Variants in GAS2 observed in about 807,000 individuals in gnomAD.
GAS2 encodes the protein growth arrest specific 2.
GAS2 carries 20 observed loss-of-function variants against 37.5 expected under a neutral mutation model. That is an observed-to-expected ratio of 0.53 (90% CI 0.37 to 0.77). GAS2 has a LOEUF of 0.77. Ranked by LOEUF, GAS2 falls within the 30% of genes least tolerant of loss-of-function variation. The pLI, the probability that GAS2 is intolerant of heterozygous loss-of-function variation, is 0.00. For synonymous variants in GAS2, 144 were observed against 132.2 expected, an observed-to-expected ratio of 1.09 and a Z score of -0.61; for missense variants, 336 against 373.4, an observed-to-expected ratio of 0.90 and a Z score of 0.82.
At chr11:22,632,806 C>A (rs1170548676) in intron 1 of GAS2, among the ~76,000 whole-genome samples, 1 of 150,208 alleles carries the variant, frequency 6.7e-6, no homozygotes, top group Non-Finnish European at 1.5e-5. Flanking sequence ...ACCTTGTTTT[C>A]AAGTTCTGGA....
intron 1 of GAS2, among the ~76,000 whole-genome samples, chr11:22,645,692 T>C (rs1848682441): frequency 6.6e-6 from 1 of 151,984 alleles, no homozygotes; most frequent in Non-Finnish European, 1.5e-5. Context: ...AAATAAAGAA[T>C]GTCAAATTTT....
chr11:22,644,355 C>T (rs954157506), intron 1 of GAS2, among the ~76,000 whole-genome samples: 2 of 151,984 alleles, frequency 1.3e-5, no homozygotes, highest in African/African-American at 4.8e-5. Context: ...TGCAATATCA[C>T]AGAGGCATTT....
intron 3 of GAS2, among the ~76,000 whole-genome samples, chr11:22,699,428 A>G (rs1476150873): frequency 1.3e-5 from 2 of 152,222 alleles, no homozygotes; most frequent in Middle Eastern, 3.4e-3. Context: ...TGCCAAAAGA[A>G]TGTATTGGAA....
chr11:22,737,444 T>C (rs191133836), intron 4 of GAS2, among the ~76,000 whole-genome samples: 15 of 152,304 alleles, frequency 9.8e-5, no homozygotes, highest in Admixed American at 5.9e-4. Flanking sequence ...TGAGATTTCC[T>C]GAGGGTTTCC....
At chr11:22,651,598 C>G (rs1287292991) in intron 1 of GAS2, among the ~76,000 whole-genome samples, 3 of 151,876 alleles carry the variant, frequency 2.0e-5, no homozygotes, top group African/African-American at 7.3e-5. Context: ...TCCCATATTT[C>G]TTGGAGGCTG....
rs191907613 is a variant in GAS2, at chr11:22,646,734, A to T, written c.-21+20921A>T. Among the ~76,000 whole-genome samples the T allele has an allele frequency of 1.4e-3, 215 of 152,256 alleles. 2 individuals carry two copies. The highest frequency in any genetic ancestry group is 2.7e-3 in the Admixed American group (42 of 15,280). Reference sequence around the variant, plus strand: ...AACTTAATCCAGAAAGCAAAAACCTACTTCATACACCATCCACGGTAAATG... The same window carrying T: ...AACTTAATCCAGAAAGCAAAAACCTTCTTCATACACCATCCACGGTAAATG... On this transcript the variant is annotated intron_variant, in intron 1 of 5. Coordinates refer to the GAS2 transcript ENST00000528582.
intron 7 of GAS2, among the ~76,000 whole-genome samples, chr11:22,790,356 A>G (rs1251301857): frequency 6.6e-6 from 1 of 152,210 alleles, no homozygotes; most frequent in Non-Finnish European, 1.5e-5. Flanking sequence ...AACTTAAAGT[A>G]TAATAAAAAA....
intron 3 of GAS2, among the ~76,000 whole-genome samples, chr11:22,718,423 A>G (rs899880713): frequency 3.3e-5 from 5 of 152,002 alleles, no homozygotes; most frequent in Admixed American, 1.3e-4. Context: ...ATGGACAACC[A>G]AACATTGTGT....
At chr11:22,751,142 A>G (rs1361034679) in intron 6 of GAS2, among the ~76,000 whole-genome samples, 1 of 151,932 alleles carries the variant, frequency 6.6e-6, no homozygotes, top group Non-Finnish European at 1.5e-5. Context: ...TTCATATGTC[A>G]TATAGTCCAT....
intron 4 of GAS2, among the ~76,000 whole-genome samples, chr11:22,737,148 C>A (rs890741658): frequency 5.3e-5 from 8 of 152,092 alleles, no homozygotes; most frequent in Non-Finnish European, 1.0e-4. Context: ...ATTATTTAAT[C>A]AGATTTGATT....
intron 1 of GAS2, among the ~76,000 whole-genome samples, chr11:22,656,976 A>G (rs1565069072): frequency 1.3e-5 from 2 of 152,214 alleles, no homozygotes; most frequent in Admixed American, 1.3e-4. Flanking sequence ...TATGATCACT[A>G]TATTTCCATA....
At chr11:22,713,275 A>G (rs544149258) in intron 3 of GAS2, among the ~76,000 whole-genome samples, 2 of 151,920 alleles carry the variant, frequency 1.3e-5, no homozygotes, top group African/African-American at 2.4e-5. Flanking sequence ...GAGCTCAAAG[A>G]AGACTTCTGA....
chr11:22,692,352 GT>G (rs1850286343), intron 3 of GAS2, among the ~76,000 whole-genome samples: 1 of 152,160 alleles, frequency 6.6e-6, no homozygotes, highest in Non-Finnish European at 1.5e-5. Flanking sequence ...GACTGAGGAC[GT>G]GCGCCCATGA....
chr11:22,812,320 A>C lies in GAS2; in HGVS notation c.*304A>C. 1 of 229,698 alleles carries C rather than the reference A, an allele frequency of 4.4e-6. No homozygotes were observed. Among genetic ancestry groups the C allele is most frequent in the African/African-American group, 2.3e-5 (1 of 43,752 alleles). The allele number at this position is 229,698 out of a possible 1,614,324, so 14.2% of individuals were successfully genotyped here. On this transcript the variant is annotated 3_prime_UTR_variant, in exon 8 of 8. Coordinates refer to ENST00000454584, the MANE Select transcript of GAS2 (RefSeq NM_001143830.3). ...AGAAACACAATTCTAACTAAAGATA[A>C]ATAAGGAGAAAACATTTAGGATTTG...
intron 1 of GAS2, among the ~76,000 whole-genome samples, chr11:22,652,435 G>A (rs1456866005): frequency 6.6e-6 from 1 of 152,230 alleles, no homozygotes; most frequent in African/African-American, 2.4e-5. Context: ...TCCTTGAGCT[G>A]TGGTGGGCTC....
intron 7 of GAS2, among the ~76,000 whole-genome samples, chr11:22,790,033 CT>C (rs1856065611): frequency 6.6e-6 from 1 of 152,122 alleles, no homozygotes; most frequent in South Asian, 2.1e-4. Flanking sequence ...TTCTGTCTCC[CT>C]TTTCTCCTCT....
intron 3 of GAS2, among the ~76,000 whole-genome samples, chr11:22,697,888 A>G (rs1337153362): frequency 2.6e-5 from 4 of 152,180 alleles, no homozygotes; most frequent in African/African-American, 7.2e-5. Flanking sequence ...TGTCATCTGC[A>G]AACAGGGACA....
intron 7 of GAS2, among the ~76,000 whole-genome samples, chr11:22,805,483 A>G (rs1434569702): frequency 6.6e-6 from 1 of 152,032 alleles, no homozygotes; most frequent in Non-Finnish European, 1.5e-5. Flanking sequence ...TATTCCTCCT[A>G]TCTTTCTGTA....
chr11:22,791,585 C>A (rs759867962), intron 7 of GAS2, among the ~76,000 whole-genome samples: 2 of 152,146 alleles, frequency 1.3e-5, no homozygotes, highest in African/African-American at 2.4e-5. Flanking sequence ...TTTTTCTGAT[C>A]TCACTATAAT....
Sources: allele counts gnomAD v4.1 joint callset (sites outside exome capture counted in the v4.1 genomes callset), GRCh38; gene constraint gnomAD v4.1.1; transcripts MANE v1.5; gene names NCBI Gene and HGNC (gene_info 2026-07-23, HGNC 2026-07-21).